Variants in ZSWIM8 observed in about 807,000 individuals in gnomAD.
ZSWIM8 encodes the protein zinc finger SWIM domain-containing protein 8.
A neutral mutation model predicts 173.7 loss-of-function variants in ZSWIM8; 27 were observed. The observed-to-expected ratio is 0.16, with a 90% CI of 0.11 to 0.21. ZSWIM8 has a LOEUF of 0.21. Among genes scored for constraint, ZSWIM8 ranks in the 10% least tolerant of loss-of-function variants. ZSWIM8 has a pLI of 1.00. For synonymous variants in ZSWIM8, 958 were observed against 962.0 expected, an observed-to-expected ratio of 1.00 and a Z score of 0.08; for missense variants, 1,627 against 2,428.8, an observed-to-expected ratio of 0.67 and a Z score of 6.94.
In ZSWIM8 at chr10:73,789,728, C is replaced by T; in HGVS notation, c.642C>T (p.Val214=). The change falls in exon 5 of 26, where the codon GTC becomes GTT. Residue 214 remains valine, a synonymous_variant. Coordinates refer to ENST00000604729, the MANE Select transcript of ZSWIM8 (RefSeq NM_001367799.1). This position sits in a 1 kb window ranked among gnomAD's most constrained non-coding sequence, Gnocchi z 6.8. ...TGTGTCCCCTTCAGGCTTCTGCAGT[C>T]TGCCTGCGAGCCCCAGTCTCAGAGT... ...CLFRIHNASA[V]CLRAPVSESL... 1 of 1,603,864 alleles carries T rather than the reference C, an allele frequency of 6.2e-7. No individual in the cohort carries two copies. The highest frequency in any genetic ancestry group is 8.5e-7 in the Non-Finnish European group (1 of 1,175,288).
chr10:73,800,793 C>T lies in ZSWIM8; in HGVS notation c.5122+34C>T. 3 of 1,477,828 alleles carry T rather than the reference C, an allele frequency of 2.0e-6. No homozygotes were observed. The highest frequency in any genetic ancestry group is 2.8e-6 in the Non-Finnish European group (3 of 1,083,778). The allele number at this position is 1,477,828 out of a possible 1,614,324, so 91.5% of individuals were successfully genotyped here. A position where few individuals can be genotyped will look rare whatever the true frequency, so the allele number is the denominator to read the frequency against. ...TCCCCTCCCTAGGACCATTGCCCCC[C>T]CCCCACCTGCTCTCCCCACCTTCCT... On this transcript the variant is annotated intron_variant, in intron 24 of 25. Coordinates refer to ENST00000604729, the MANE Select transcript of ZSWIM8 (RefSeq NM_001367799.1). This position sits in a 1 kb window ranked among gnomAD's most constrained non-coding sequence, Gnocchi z 4.1.
At position 73,794,051 on chromosome 10, in the gene ZSWIM8, G is replaced by C. The variant is rs371479768; in HGVS notation, c.2625+7G>C. ...TTCTACCAAGGCCTTGGAGGTCAGA[G>C]GCTCCATCTCAGCCTTGTATTTCAG... On this transcript the variant is annotated splice_region_variant and intron_variant, in intron 12 of 25. Transcript: ENST00000604729. The C allele has an allele frequency of 6.2e-7, 1 of 1,612,348 alleles. No individual in the cohort carries two copies. The highest frequency in any genetic ancestry group is 1.3e-5 in the African/African-American group (1 of 74,852).
chr10:73,787,512 C>T (rs771095963), intron 1 of ZSWIM8, among the ~76,000 whole-genome samples: 22 of 152,166 alleles, frequency 1.4e-4, no homozygotes, highest in Non-Finnish European at 3.1e-4. Context: ...TCTGGGAAAA[C>T]ATGCCATATT....
At position 73,788,725 on chromosome 10, in the gene ZSWIM8, C is replaced by A; in HGVS notation, c.264C>A (p.Ile88=). ...CAGCAAAGCAGGTGGCATTTCATATCCCATTTGAAGTGGTGGAGAAAGTTT... is the reference window on the plus strand; with the variant it reads ...CAGCAAAGCAGGTGGCATTTCATATACCATTTGAAGTGGTGGAGAAAGTTT... The part of the protein sequence containing the change: ...ELSAKQVAFH[I]PFEVVEKVYP... Residue 88 remains isoleucine, a synonymous_variant, in exon 2 of 26, where the codon ATC becomes ATA. Coordinates refer to ENST00000604729, the MANE Select transcript of ZSWIM8 (RefSeq NM_001367799.1). 1 of 1,614,000 alleles carries A rather than the reference C, an allele frequency of 6.2e-7. No homozygotes were observed. The highest frequency in any genetic ancestry group is 8.5e-7 in the Non-Finnish European group (1 of 1,179,898).
intron 7 of ZSWIM8, among the ~76,000 whole-genome samples, chr10:73,790,686 TA>T: frequency 6.6e-6 from 1 of 152,104 alleles, no homozygotes; most frequent in Non-Finnish European, 1.5e-5. Flanking sequence ...CCATCTCTAC[TA>T]AAAAAACAAA....
chr10:73,798,531 A>G (rs1360313894), intron 20 of ZSWIM8, 78 bp downstream of exon 20: 3 of 1,305,500 alleles, frequency 2.3e-6, no homozygotes, highest in Non-Finnish European at 3.2e-6. Flanking sequence ...CTAAGGGCCC[A>G]GCTCTTGATT....
chr10:73,801,337 C>T lies in ZSWIM8; in HGVS notation c.5323C>T (p.His1775Tyr). Residue 1775 changes from histidine (H) to tyrosine (Y), a missense_variant, in exon 26 of 26, where the codon CAC (histidine) becomes TAC (tyrosine). This residue lies in a region of ZSWIM8 where 122 missense variants were observed against 196.1 expected (regional missense o/e 0.62). Transcript: ENST00000604729. This position sits in a 1 kb window ranked among gnomAD's most constrained non-coding sequence, Gnocchi z 4.9. ...CCAGTACATCCACCACCGCTTGATT[C>T]ACCTGACTCCTGCGGACTACGACGA... The part of the protein sequence containing the change: ...YMQYIHHRLI[H>Y]LTPADYDDFV... 1.2e-6 allele frequency: 2 copies of T among 1,613,924 alleles called. No homozygotes were observed. Among genetic ancestry groups the T allele is most frequent in the Non-Finnish European group, 1.7e-6 (2 of 1,179,832 alleles).
Position 73,789,844 on chromosome 10 carries a change from C to A in ZSWIM8, c.738+20C>A, listed in dbSNP as rs751724717. On this transcript the variant is annotated intron_variant, in intron 5 of 25. Transcript: ENST00000604729. The surrounding 1 kb of genome is among the most constrained non-coding windows in gnomAD (Gnocchi z 6.8). ...CAGCAGGTGGGTGAGGTCGGCACCC[C>A]CTCCTGCAATTAGCTCCGGGCCAGG... is the stretch of plus-strand genomic sequence containing the variant. 3 of 1,592,906 alleles carry A rather than the reference C, an allele frequency of 1.9e-6. No individual in the cohort carries two copies. Among genetic ancestry groups the A allele is most frequent in the Middle Eastern group, 1.7e-4 (1 of 6,040 alleles).
Position 73,785,868 on chromosome 10 carries a change from G to T in ZSWIM8, c.-11G>T, listed in dbSNP as rs1228052313. ...GCGGGGGGGGACCCGGCCCCGGGGG[G>T]TGCGGGCCCCATGGAGCTGATGTTT... On this transcript the variant is annotated 5_prime_UTR_variant, in exon 1 of 26. Coordinates refer to ENST00000604729, the MANE Select transcript of ZSWIM8 (RefSeq NM_001367799.1). The T allele has an allele frequency of 3.3e-6, 5 of 1,504,250 alleles. No individual in the cohort carries two copies. Among genetic ancestry groups the T allele is most frequent in the Non-Finnish European group, 4.4e-6 (5 of 1,124,738 alleles). 93.2% of individuals were successfully genotyped at this position (1,504,250 alleles called of 1,614,324 possible).
chr10:73,796,338 G>T (rs1167617393), intron 15 of ZSWIM8: 1 of 422,954 alleles, frequency 2.4e-6, no homozygotes, highest in African/African-American at 2.1e-5. Context: ...AACAGAGCGA[G>T]ACCCTGTCTC....
rs1565085042 is a variant in ZSWIM8 at position 73,797,849 on chromosome 10, A to C, written c.3731A>C (p.His1244Pro). The change falls in exon 19 of 26, where the codon CAC becomes CCC. Residue 1244 changes from histidine (H) to proline (P), a missense_variant. His to Pro is a moderately conservative substitution (Grantham distance 77, BLOSUM62 -2). This residue lies in a region of ZSWIM8 where 95 missense variants were observed against 271.3 expected (regional missense o/e 0.35). Transcript: ENST00000604729. The surrounding 1 kb of genome is among the most constrained non-coding windows in gnomAD (Gnocchi z 5.6). ...VPNQPSEAAAHFYFELAKTVL... is the reference protein window; with the variant it reads ...VPNQPSEAAAPFYFELAKTVL... ...AATCAGCCATCAGAGGCAGCTGCAC[A>C]CTTCTACTTCGAGCTGGCGAAGACA... The C allele has an allele frequency of 6.2e-7, 1 of 1,613,502 alleles. No homozygotes were observed.
rs1019756135 is a variant in ZSWIM8 at position 73,786,026 on chromosome 10, G to A, written c.148G>A (p.Gly50Arg). 2 of 1,604,752 alleles carry A rather than the reference G, an allele frequency of 1.2e-6. No homozygotes were observed. Among genetic ancestry groups the A allele is most frequent in the Non-Finnish European group, 8.5e-7 (1 of 1,175,356 alleles). The change falls in exon 1 of 26, where the codon GGG (glycine) becomes AGG (arginine). Residue 50 changes from glycine (G) to arginine (R), a missense_variant. Around this residue, in one of 18 missense-constraint regions of ZSWIM8, gnomAD observed 60 missense variants for 93.9 expected, o/e 0.64. Transcript: ENST00000604729. ...NWRGWRKQSA[G>R]PNSPTGGGGG... ...GCGGGGATGGCGCAAACAGTCAGCG[G>A]GGCCCAATTCCCCCACTGGCGGCGG...
intron 7 of ZSWIM8, 67 bp downstream of exon 7, chr10:73,790,359 T>C (rs1310993784): frequency 6.5e-6 from 10 of 1,532,188 alleles, no homozygotes; most frequent in Non-Finnish European, 8.8e-6. Context: ...TGATGACAGA[T>C]CCTTTCTTCT....
intron 14 of ZSWIM8, chr10:73,794,959 C>G (rs981104771): frequency 1.0e-5 from 2 of 200,814 alleles, no homozygotes; most frequent in Non-Finnish European, 2.0e-5. Context: ...AAAAAATTAG[C>G]CAGGTGTGGT....
At chr10:73,788,472 C>T (rs910420595) in intron 1 of ZSWIM8, among the ~76,000 whole-genome samples, 198 bp from the exon 2 acceptor site, 3 of 152,120 alleles carry the variant, frequency 2.0e-5, no homozygotes, top group Admixed American at 6.5e-5. Flanking sequence ...TGGGGATTAT[C>T]CAGCTCCCCT....
At chr10:73,799,820 T>C (rs1565088216) in intron 21 of ZSWIM8, 191 bp from the exon 22 acceptor site, 1 of 648,890 alleles carries the variant, frequency 1.5e-6, no homozygotes, top group Non-Finnish European at 2.6e-6. Flanking sequence ...GAGGCTGAGA[T>C]GGGAATCACT....
In ZSWIM8 at chr10:73,796,973, G is replaced by A. The variant is rs1287014697; in HGVS notation, c.3233G>A (p.Gly1078Glu). ...CAACCAGGGAGTGTGGCAGGGGCTG[G>A]GCCAGGCCCCACTGAGGGCTTCACA... The part of the protein sequence containing the change: ...PAQPGSVAGA[G>E]PGPTEGFTEK... Residue 1078 changes from glycine (G) to glutamate (E), a missense_variant, in exon 16 of 26, where the codon GGG (glycine) becomes GAG (glutamate). Transcript: ENST00000604729. The A allele has an allele frequency of 6.2e-7, 1 of 1,613,406 alleles. No individual in the cohort carries two copies.
intron 15 of ZSWIM8, chr10:73,796,529 C>T: frequency 1.8e-6 from 1 of 557,526 alleles, no homozygotes; most frequent in Non-Finnish European, 3.2e-6. Context: ...TCACTTATTT[C>T]AGTATTTATT....
chr10:73,799,954 C>G, intron 21 of ZSWIM8, 57 bp from the exon 22 acceptor site: 2 of 1,564,834 alleles, frequency 1.3e-6, no homozygotes, highest in Admixed American at 3.4e-5. Flanking sequence ...GGGTGAAGCA[C>G]GACAGCAACA....
Sources: gnomAD v4.1 joint callset for allele counts (sites outside exome capture counted in the v4.1 genomes callset) on GRCh38, gnomAD v4.1.1 for gene constraint, gnomAD v4.1.1 regional missense constraint, Gnocchi (gnomAD v3.1) non-coding constraint, MANE v1.5 for transcripts, NCBI Gene and HGNC (gene_info 2026-07-23, HGNC 2026-07-21) for gene names.